Variants in GRID2 observed in about 807,000 individuals in gnomAD.
GRID2 encodes glutamate receptor ionotropic, delta-2.
Under a neutral mutation model 114.8 loss-of-function variants are expected in GRID2, and 33 were observed. The ratio of observed to expected loss-of-function variants is 0.29; its 90% CI spans 0.22 to 0.38. GRID2 has a LOEUF of 0.38. Ranked by LOEUF, GRID2 falls within the 10% of genes least tolerant of loss-of-function variation. The pLI, the probability that GRID2 is intolerant of heterozygous loss-of-function variation, is 1.00. For synonymous variants in GRID2, 505 were observed against 449.9 expected, an observed-to-expected ratio of 1.12 and a Z score of -1.55; for missense variants, 1,184 against 1,257.7, an observed-to-expected ratio of 0.94 and a Z score of 0.89.
chr4:93,145,485 C>G (rs868580457), intron 4 of GRID2, among the ~76,000 whole-genome samples: 3 of 144,780 alleles, frequency 2.1e-5, no homozygotes, highest in African/African-American at 5.1e-5. Flanking sequence ...TTTTTTGAGA[C>G]AGTTTCACTC....
intron 2 of GRID2, among the ~76,000 whole-genome samples, chr4:93,064,622 C>T (rs2149297250): frequency 6.6e-6 from 1 of 151,870 alleles, no homozygotes; most frequent in South Asian, 2.1e-4. Context: ...TAGAAAGCAT[C>T]CTTGTGAATT....
chr4:92,823,987 G>T (rs773230778), intron 2 of GRID2, among the ~76,000 whole-genome samples: 12 of 152,140 alleles, frequency 7.9e-5, no homozygotes, highest in Non-Finnish European at 1.5e-4. Flanking sequence ...TGTCTATGGG[G>T]TTGCCTAATA....
intron 8 of GRID2, among the ~76,000 whole-genome samples, chr4:93,298,596 A>G (rs1412083547): frequency 6.6e-6 from 1 of 152,214 alleles, no homozygotes; most frequent in Non-Finnish European, 1.5e-5. Context: ...AACACCCTCC[A>G]TGTCCAACTT....
At chr4:92,646,745 T>A (rs1158585903) in intron 2 of GRID2, among the ~76,000 whole-genome samples, 1 of 152,248 alleles carries the variant, frequency 6.6e-6, no homozygotes, top group Non-Finnish European at 1.5e-5. Flanking sequence ...AACATAAGTA[T>A]CCTTGAGGGA....
At chr4:92,457,639 C>T (rs1384831558) in intron 1 of GRID2, among the ~76,000 whole-genome samples, 2 of 152,062 alleles carry the variant, frequency 1.3e-5, no homozygotes, top group African/African-American at 4.8e-5. Context: ...AGTAATTGTA[C>T]AGCATCACCT....
intron 8 of GRID2, among the ~76,000 whole-genome samples, chr4:93,350,458 C>A (rs570061098): frequency 6.6e-6 from 1 of 152,006 alleles, no homozygotes; most frequent in South Asian, 2.1e-4. Context: ...TAATCAAGTG[C>A]AAAATCAGTA....
In GRID2 at chr4:92,652,194, A is replaced by G. The variant is rs1323862682; in HGVS notation, c.244+61908A>G. On this transcript the variant is annotated intron_variant, in intron 2 of 15. Transcript: ENST00000282020. ...CCTTTTTGTTCTATTCAGATTGTCA[A>G]TGTATTGGATGATGCCTGCCCACAC... Among the ~76,000 whole-genome samples, 5 of 151,992 alleles carry G rather than the reference A, an allele frequency of 3.3e-5. No individual in the cohort carries two copies. In the East Asian group the frequency reaches 9.7e-4, roughly 30 times the overall value.
At chr4:92,662,251 G>T (rs1732556544) in intron 2 of GRID2, among the ~76,000 whole-genome samples, 1 of 150,892 alleles carries the variant, frequency 6.6e-6, no homozygotes, top group Non-Finnish European at 1.5e-5. Context: ...GGTAAAAATT[G>T]AATCTTATAC....
intron 8 of GRID2, among the ~76,000 whole-genome samples, chr4:93,301,794 C>A (rs1395218126): frequency 4.6e-5 from 7 of 152,104 alleles, no homozygotes; most frequent in African/African-American, 1.2e-4. Context: ...GTGATTACAG[C>A]CACTTCATTT....
intron 1 of GRID2, among the ~76,000 whole-genome samples, chr4:92,352,768 T>C (rs896745713): frequency 1.3e-5 from 2 of 151,404 alleles, no homozygotes; most frequent in African/African-American, 4.8e-5. Context: ...TGTTTAAATT[T>C]GTTGTTGTTG....
intron 2 of GRID2, among the ~76,000 whole-genome samples, chr4:92,869,064 C>A (rs1044790249): frequency 6.6e-6 from 1 of 152,036 alleles, no homozygotes; most frequent in Non-Finnish European, 1.5e-5. Context: ...AATGTGAGAA[C>A]AATATGTGTT....
At chr4:92,611,950 C>T (rs1332193959) in intron 2 of GRID2, among the ~76,000 whole-genome samples, 2 of 151,120 alleles carry the variant, frequency 1.3e-5, no homozygotes, top group Non-Finnish European at 3.0e-5. Flanking sequence ...ATGATTTTCC[C>T]CCCTATTTTC....
At chr4:92,578,948 A>G (rs1365039342) in intron 1 of GRID2, among the ~76,000 whole-genome samples, 1 of 152,182 alleles carries the variant, frequency 6.6e-6, no homozygotes, top group Non-Finnish European at 1.5e-5. Context: ...ACAGATACAA[A>G]TGTTTGCCAA....
chr4:92,777,970 G>A (rs1161990304), intron 2 of GRID2, among the ~76,000 whole-genome samples: 1 of 152,084 alleles, frequency 6.6e-6, no homozygotes, highest in Non-Finnish European at 1.5e-5. Flanking sequence ...TAACCCCCAT[G>A]CAAATGTGTA....
intron 2 of GRID2, among the ~76,000 whole-genome samples, chr4:92,788,845 T>A (rs1578192841): frequency 6.6e-6 from 1 of 151,828 alleles, no homozygotes; most frequent in Admixed American, 6.6e-5. Context: ...ATTTTTTGTA[T>A]GTTTTATAAT....
intron 14 of GRID2, among the ~76,000 whole-genome samples, chr4:93,762,379 T>A (rs1285059964): frequency 1.3e-5 from 2 of 152,184 alleles, no homozygotes; most frequent in Non-Finnish European, 2.9e-5. Context: ...GGTTATTTTA[T>A]CCTCACGAAT....
At chr4:93,316,874 T>G (rs1368729) in intron 8 of GRID2, among the ~76,000 whole-genome samples, 74,301 of 151,842 alleles carry the variant, frequency 0.49, 18,656 homozygotes, top group East Asian at 0.63. Context: ...ATTTAATGAT[T>G]TAAATATGTT....
chr4:92,886,609 T>C (rs1448087857), intron 2 of GRID2, among the ~76,000 whole-genome samples: 1 of 151,870 alleles, frequency 6.6e-6, no homozygotes, highest in Non-Finnish European at 1.5e-5. Context: ...TTTAATTTTA[T>C]TTAATTTAAT....
chr4:93,727,327 G>T (rs540670555), intron 14 of GRID2, among the ~76,000 whole-genome samples: 2 of 152,138 alleles, frequency 1.3e-5, no homozygotes, highest in Non-Finnish European at 2.9e-5. Flanking sequence ...TGCATCCCAG[G>T]GATGAAGCCC....
Sources: gnomAD v4.1 joint callset for allele counts (sites outside exome capture counted in the v4.1 genomes callset) on GRCh38, gnomAD v4.1.1 for gene constraint, MANE v1.5 for transcripts, NCBI Gene and HGNC (gene_info 2026-07-23, HGNC 2026-07-21) for gene names.